Variants in ZNF670 observed in about 807,000 individuals in gnomAD.
The protein encoded by ZNF670 is zinc finger protein 670.
ZNF670 carries 7 observed loss-of-function variants against 10.9 expected under a neutral mutation model. The observed-to-expected ratio is 0.64, with a 90% confidence interval of 0.36 to 1.20. The LOEUF is 1.20. Ranked by LOEUF, ZNF670 falls within the 50% of genes most tolerant of loss-of-function variation. The pLI, the probability that ZNF670 is intolerant of heterozygous loss-of-function variation, is 0.02. For missense variants in ZNF670, 446 were observed against 458.6 expected (o/e 0.97, Z 0.25); for synonymous variants, 136 against 152.7 (o/e 0.89, Z 0.81).
intron 2 of ZNF670, 80 bp from the exon 3 acceptor site, chr1:247,038,950 G>T: frequency 1.9e-6 from 2 of 1,052,168 alleles, no homozygotes; most frequent in South Asian, 3.6e-5. Flanking sequence ...TATACACTGT[G>T]ACCATAACTA....
intron 1 of ZNF670, among the ~76,000 whole-genome samples, chr1:247,074,727 C>T (rs1304806750): frequency 6.6e-5 from 10 of 152,148 alleles, no homozygotes; most frequent in African/African-American, 1.7e-4. Context: ...CAGTAGGGTT[C>T]GTGCTCCTCT....
intron 1 of ZNF670, among the ~76,000 whole-genome samples, chr1:247,077,987 C>T (rs941732097): frequency 1.7e-4 from 26 of 152,216 alleles, no homozygotes; most frequent in African/African-American, 6.3e-4. Flanking sequence ...CAGCCTTAAA[C>T]AACCACGAAC....
rs1671314705 is a variant in ZNF670 at position 247,078,696 on chromosome 1, G to A, written c.-100C>T. 20 of 1,356,038 alleles carry A rather than the reference G, an allele frequency of 1.5e-5. No individual in the cohort carries two copies. The highest frequency in any genetic ancestry group is 1.9e-5 in the Non-Finnish European group (18 of 960,380). 84.0% of individuals were successfully genotyped at this position (1,356,038 alleles called of 1,614,324 possible). On this transcript the variant is annotated 5_prime_UTR_variant, in exon 1 of 4. Coordinates refer to ENST00000366503, the MANE Select transcript of ZNF670 (RefSeq NM_033213.5). ...CCGCGGGACCACTTGGACCTCCCAG[G>A]GATAAGGGGAAGGAGCAGCGGAGAC...
Position 247,038,101 on chromosome 1 carries a change from A to T in ZNF670, c.518T>A (p.Val173Glu). Reference protein sequence around the residue: ...HTSNGPYKGPVYEKPFDFPSV... With the variant: ...HTSNGPYKGPEYEKPFDFPSV... ...AGGAAAATCAAAAGGCTTCTCATAC[A>T]CTGGACCCTTATAAGGCCCATTACT... Residue 173 changes from valine (V) to glutamate (E), a missense_variant, in exon 4 of 4, where the codon GTG becomes GAG. By Grantham distance (121) the Val-to-Glu change is moderately radical. Coordinates refer to ENST00000366503, the MANE Select transcript of ZNF670 (RefSeq NM_033213.5). The T allele has an allele frequency of 6.2e-7, 1 of 1,614,188 alleles. No homozygotes were observed. Among genetic ancestry groups the T allele is most frequent in the South Asian group, 1.1e-5 (1 of 91,088 alleles).
At chr1:247,068,547 G>A (rs1352203796) in intron 1 of ZNF670, among the ~76,000 whole-genome samples, 4 of 150,386 alleles carry the variant, frequency 2.7e-5, no homozygotes, top group Non-Finnish European at 5.9e-5. Context: ...AGGAACCCTT[G>A]TACACTGTTG....
chr1:247,051,135 C>T (rs931226100), intron 1 of ZNF670, among the ~76,000 whole-genome samples: 7 of 151,582 alleles, frequency 4.6e-5, no homozygotes, highest in Non-Finnish European at 8.8e-5. Context: ...GGTGAAACCC[C>T]GTCTCTATTA....
intron 1 of ZNF670, among the ~76,000 whole-genome samples, chr1:247,063,449 G>A (rs1218362862): frequency 1.3e-5 from 2 of 151,952 alleles, no homozygotes; most frequent in Non-Finnish European, 2.9e-5. Context: ...CAGGTGTGGT[G>A]GTGGGCGCCT....
chr1:247,055,541 C>T (rs1484863616), intron 1 of ZNF670, among the ~76,000 whole-genome samples: 8 of 152,206 alleles, frequency 5.3e-5, no homozygotes, highest in Admixed American at 5.2e-4. Context: ...CCCAATCTCA[C>T]CCTTTCTATA....
At chr1:247,042,327 C>T (rs887974312) in intron 1 of ZNF670, among the ~76,000 whole-genome samples, 3 of 152,180 alleles carry the variant, frequency 2.0e-5, no homozygotes, top group South Asian at 4.1e-4. Context: ...GACAGAACCA[C>T]ATGGTGGTGG....
rs1401905704 is a variant in ZNF670, at chr1:247,039,539, T to C, written c.4-2A>G. The C allele has an allele frequency of 3.2e-6, 5 of 1,583,414 alleles. No homozygotes were observed. The East Asian group carries it at 1.2e-4, about 37-fold the overall frequency. On this transcript the variant is annotated splice_acceptor_variant, in intron 1 of 3. Transcript: ENST00000366503. LOFTEE classifies it high-confidence loss of function. ...CACATCTTCAAATGACACTGAATCC[T>C]AGAATATCGCACATATGTGGAGAGG...
intron 1 of ZNF670, chr1:247,043,997 TAAG>T (rs538374164): frequency 4.9e-4 from 98 of 199,970 alleles, no homozygotes; most frequent in African/African-American, 2.2e-3. Flanking sequence ...GAGAACTTCT[TAAG>T]AAGAGTGATT....
chr1:247,054,210 C>A (rs145958235), intron 1 of ZNF670, among the ~76,000 whole-genome samples: 1 of 152,174 alleles, frequency 6.6e-6, no homozygotes, highest in African/African-American at 2.4e-5. Flanking sequence ...AAGTGCTCTG[C>A]GGCCCTAAAT....
rs1238192700 is a variant in ZNF670 at position 247,069,986 on chromosome 1, C to T, written c.3+8608G>A. On this transcript the variant is annotated intron_variant, in intron 1 of 3. Coordinates refer to ENST00000366503, the MANE Select transcript of ZNF670 (RefSeq NM_033213.5). ...AATTTAATTGTACACTTTAAAGCAA[C>T]TAAGTATAATTGGATTATTTGTAAT... is the stretch of plus-strand genomic sequence containing the variant. Among the ~76,000 whole-genome samples the T allele has an allele frequency of 2.0e-5, 3 of 152,156 alleles. No individual in the cohort carries two copies. The East Asian group carries it at 5.8e-4, about 29-fold the overall frequency.
intron 1 of ZNF670, among the ~76,000 whole-genome samples, chr1:247,059,217 G>A (rs1037699280): frequency 2.6e-5 from 4 of 151,958 alleles, no homozygotes; most frequent in Admixed American, 1.3e-4. Context: ...CGAGGCGGGC[G>A]GATCATGAGG....
intron 3 of ZNF670, 125 bp downstream of exon 3, chr1:247,038,681 ATTTT>A: frequency 1.2e-6 from 1 of 805,628 alleles, no homozygotes; most frequent in Non-Finnish European, 1.9e-6. Flanking sequence ...ATTCAGGTGT[ATTTT>A]TTGCTAAGAC....
chr1:247,057,067 C>T (rs912547813), intron 1 of ZNF670, among the ~76,000 whole-genome samples: 16 of 152,086 alleles, frequency 1.1e-4, no homozygotes, highest in Non-Finnish European at 4.4e-5. Flanking sequence ...AGACAACATA[C>T]AGAATGCAAG....
chr1:247,053,319 G>C (rs61467097), intron 1 of ZNF670, among the ~76,000 whole-genome samples: 1 of 152,166 alleles, frequency 6.6e-6, no homozygotes, highest in African/African-American at 2.4e-5. Context: ...GCCCAGGAAA[G>C]TTCATGCTCA....
At position 247,078,717 on chromosome 1, in the gene ZNF670, G is replaced by A; in HGVS notation, c.-121C>T. On this transcript the variant is annotated 5_prime_UTR_variant, in exon 1 of 4. Transcript: ENST00000366503. ...CCAGGGATAAGGGGAAGGAGCAGCGGAGACGCACCGAGCTCGCCACATTCG... is the reference window on the plus strand; with the variant it reads ...CCAGGGATAAGGGGAAGGAGCAGCGAAGACGCACCGAGCTCGCCACATTCG... 9.3e-7 allele frequency: 1 copy of A among 1,077,012 alleles called. No homozygotes were observed. Among genetic ancestry groups the A allele is most frequent in the Non-Finnish European group, 1.4e-6 (1 of 733,374 alleles). 66.7% of individuals were successfully genotyped at this position (1,077,012 alleles called of 1,614,324 possible).
Position 247,036,591 on chromosome 1 carries a change from A to C in ZNF670, c.*858T>G, listed in dbSNP as rs1670155868. Reference sequence around the variant, plus strand: ...GTGGGAGAATCACTTGAGCCCAGGAATTTGAGGCTGCAGTGAGCTAAGACT... The same window carrying C: ...GTGGGAGAATCACTTGAGCCCAGGACTTTGAGGCTGCAGTGAGCTAAGACT... On this transcript the variant is annotated 3_prime_UTR_variant, in exon 4 of 4. Coordinates refer to ENST00000366503, the MANE Select transcript of ZNF670 (RefSeq NM_033213.5). 6.6e-6 allele frequency among the ~76,000 whole-genome samples: 1 copy of C among 152,134 alleles called. No homozygotes were observed. Among genetic ancestry groups the C allele is most frequent in the South Asian group, 2.1e-4 (1 of 4,830 alleles).
Sources: gnomAD v4.1 joint callset for allele counts (sites outside exome capture counted in the v4.1 genomes callset) on GRCh38, gnomAD v4.1.1 for gene constraint, MANE v1.5 for transcripts, NCBI Gene and HGNC (gene_info 2026-07-23, HGNC 2026-07-21) for gene names.